Variants in IST1 observed in about 807,000 individuals in gnomAD.
IST1 encodes IST1 homolog.
Under a neutral mutation model 37.0 loss-of-function variants are expected in IST1, and 23 were observed. The observed-to-expected ratio is 0.62, with a 90% CI of 0.45 to 0.88. The LOEUF is 0.88. Ranked by LOEUF, IST1 falls within the 40% of genes least tolerant of loss-of-function variation. IST1 has a pLI of 0.00. For synonymous variants in IST1, 180 were observed against 161.7 expected (o/e 1.11, Z -0.86); for missense variants, 488 against 445.4 (o/e 1.10, Z -0.86).
intron 1 of IST1, among the ~76,000 whole-genome samples, chr16:71,899,723 A>C (rs751992333): frequency 4.0e-5 from 6 of 151,744 alleles, no homozygotes; most frequent in Non-Finnish European, 8.8e-5. Context: ...TAAAAATAGA[A>C]AAAATTAGCT....
chr16:71,918,223 T>C (rs1015158477), intron 4 of IST1, among the ~76,000 whole-genome samples: 1 of 152,200 alleles, frequency 6.6e-6, no homozygotes, highest in African/African-American at 2.4e-5. Context: ...AAAAATCTAT[T>C]TGATACATAG....
At position 71,909,443 on chromosome 16, in the gene IST1, A is replaced by G. The variant is rs374035624; in HGVS notation, c.-15-6183A>G. On this transcript the variant is annotated intron_variant, in intron 1 of 9. Coordinates refer to ENST00000378799, the MANE Select transcript of IST1 (RefSeq NM_001270975.2). Reference sequence around the variant, plus strand: ...TGAAATGAACACTTAGCATTCTTCTACTTCCTTACTACCACAAAATGCATA... The same window carrying G: ...TGAAATGAACACTTAGCATTCTTCTGCTTCCTTACTACCACAAAATGCATA... Among the ~76,000 whole-genome samples, 9 of 152,232 alleles carry G rather than the reference A, an allele frequency of 5.9e-5. No homozygotes were observed. In the East Asian group the frequency reaches 9.6e-4, roughly 16 times the overall value.
At chr16:71,896,014 G>A (rs1422734785) in intron 1 of IST1, among the ~76,000 whole-genome samples, 1 of 152,264 alleles carries the variant, frequency 6.6e-6, no homozygotes, top group East Asian at 1.9e-4. Flanking sequence ...GCCGCGAGAG[G>A]CGGATGCCCT....
chr16:71,927,020 CTTAG>C (rs1197055332), intron 9 of IST1, among the ~76,000 whole-genome samples: 5 of 152,124 alleles, frequency 3.3e-5, no homozygotes, highest in Admixed American at 6.5e-5. Context: ...ACTCCTTGGA[CTTAG>C]TTGGTAAAGT....
At chr16:71,906,068 ATCTCGGC>A (rs2037217070) in intron 1 of IST1, among the ~76,000 whole-genome samples, 3 of 145,352 alleles carry the variant, frequency 2.1e-5, no homozygotes, top group Non-Finnish European at 4.5e-5. Context: ...CAGTGGTGCC[ATCTCGGC>A]TCACTGCAGC....
Position 71,922,463 on chromosome 16 carries a change from T to C in IST1, c.553-11T>C, listed in dbSNP as rs2142587696. ...ATGGGTTAATGACCTGGGTTTCTCT[T>C]TTTTTCTCAGGCAGAAGCTCCTCCT... On this transcript the variant is annotated splice_polypyrimidine_tract_variant and intron_variant, in intron 6 of 9. Transcript: ENST00000378799. 1 of 1,612,924 alleles carries C rather than the reference T, an allele frequency of 6.2e-7. No homozygotes were observed. Among genetic ancestry groups the C allele is most frequent in the Non-Finnish European group, 8.5e-7 (1 of 1,179,256 alleles).
Position 71,922,611 on chromosome 16 carries a change from GCCCAT to G in IST1, c.691_695del (p.Pro231AlafsTer51), listed in dbSNP as rs2037628265. The G allele has an allele frequency of 1.4e-6, 1 of 705,820 alleles. No homozygotes were observed. Among genetic ancestry groups the G allele is most frequent in the East Asian group, 4.8e-5 (1 of 20,866 alleles). 43.7% of individuals were successfully genotyped at this position (705,820 alleles called of 1,614,324 possible). A position where few individuals can be genotyped will look rare whatever the true frequency, so the allele number is the denominator to read the frequency against. The stretch of plus-strand genomic sequence containing the variant: ...GTGGACCTGATGGAACGGTGCCAAT[GCCCAT>G]GCCCATGCCCATGCCTATGCCATCT... On this transcript the variant is annotated frameshift_variant, in exon 7 of 10. Coordinates refer to ENST00000378799, the MANE Select transcript of IST1 (RefSeq NM_001270975.2). LOFTEE classifies it high-confidence loss of function.
Position 71,927,806 on chromosome 16 carries a change from A to T in IST1, c.1094A>T (p.Lys365Ile). Reference protein sequence around the residue: ...LSRRFEELKKKT With the variant: ...LSRRFEELKKIT ...CGGAGGTTTGAAGAGCTGAAAAAGA[A>T]AACATAGGTCTCTTAAACCAGGCAA... Residue 365 changes from lysine to isoleucine, a missense_variant, in exon 10 of 10, where the codon AAA (lysine) becomes ATA (isoleucine). Coordinates refer to ENST00000378799, the MANE Select transcript of IST1 (RefSeq NM_001270975.2). The T allele has an allele frequency of 6.2e-7, 1 of 1,613,260 alleles. No individual in the cohort carries two copies. The highest frequency in any genetic ancestry group is 8.5e-7 in the Non-Finnish European group (1 of 1,179,370).
At chr16:71,913,594 G>A (rs1286973191) in intron 1 of IST1, among the ~76,000 whole-genome samples, 2 of 152,022 alleles carry the variant, frequency 1.3e-5, no homozygotes, top group Admixed American at 1.3e-4. Flanking sequence ...TCTGCTTCTG[G>A]GACTCCAGCA....
intron 8 of IST1, chr16:71,924,363 A>T (rs1252691742): frequency 2.7e-6 from 1 of 374,280 alleles, no homozygotes; most frequent in Non-Finnish European, 5.2e-6. Flanking sequence ...TAATCCCAGC[A>T]CTTTGGGAGG....
intron 1 of IST1, among the ~76,000 whole-genome samples, chr16:71,911,659 C>G (rs2037356880): frequency 6.7e-6 from 1 of 150,268 alleles, no homozygotes; most frequent in Non-Finnish European, 1.5e-5. Flanking sequence ...ATGTTCCCCT[C>G]TGTATACATG....
rs562431217 is a variant in IST1 at position 71,929,735 on chromosome 16, G to A, written c.*1922G>A. On this transcript the variant is annotated 3_prime_UTR_variant, in exon 10 of 10. Transcript: ENST00000378799. ...GAAAATTGAAATTACTGCTAATAGTGGAGTAAAAAAAGTACCAAAGATTTT... is the reference window on the plus strand; with the variant it reads ...GAAAATTGAAATTACTGCTAATAGTAGAGTAAAAAAAGTACCAAAGATTTT... The A allele has an allele frequency of 4.9e-5, 69 of 1,419,692 alleles. No individual in the cohort carries two copies. The East Asian group carries it at 1.4e-3, about 28-fold the overall frequency. The allele number at this position is 1,419,692 out of a possible 1,614,324, so 87.9% of individuals were successfully genotyped here.
chr16:71,926,908 A>G (rs1322077860), intron 9 of IST1, among the ~76,000 whole-genome samples: 1 of 152,194 alleles, frequency 6.6e-6, no homozygotes, highest in Non-Finnish European at 1.5e-5. Context: ...TTATAACAAA[A>G]TAACTTGGAC....
rs1226416558 is a variant in IST1 at position 71,928,114 on chromosome 16, G to A, written c.*301G>A. ...CGTCCCATGGTCCCTCCACAGGAGT[G>A]TGAGAGGATGGGGGAAGCACTGTGG... On this transcript the variant is annotated 3_prime_UTR_variant, in exon 10 of 10. Transcript: ENST00000378799. 2 of 377,510 alleles carry A rather than the reference G, an allele frequency of 5.3e-6. No individual in the cohort carries two copies. The highest frequency in any genetic ancestry group is 1.0e-5 in the Non-Finnish European group (2 of 199,450). 23.4% of individuals were successfully genotyped at this position (377,510 alleles called of 1,614,324 possible).
At chr16:71,921,965 GTC>G (rs1433662844) in intron 6 of IST1, among the ~76,000 whole-genome samples, 4 of 152,148 alleles carry the variant, frequency 2.6e-5, no homozygotes, top group Non-Finnish European at 5.9e-5. Flanking sequence ...GTGAAACCCT[GTC>G]TCTACTAAAA....
At chr16:71,897,407 G>A (rs1264814923) in intron 1 of IST1, among the ~76,000 whole-genome samples, 1 of 151,866 alleles carries the variant, frequency 6.6e-6, no homozygotes, top group Non-Finnish European at 1.5e-5. Context: ...TTGTTCTTAT[G>A]TCTCTGGCTT....
At chr16:71,894,698 C>CTTTT (rs35889170), upstream of IST1, 707 of 443,618 alleles carry the variant, frequency 1.6e-3, 19 homozygotes, top group African/African-American at 3.8e-3. Flanking sequence ...TAATTTTTAA[C>CTTTT]TTTTTTTTTT....
At position 71,927,970 on chromosome 16, in the gene IST1, C is replaced by G; in HGVS notation, c.*157C>G. ...CTTCCTGCTCCTCCAGATTCTGCTG[C>G]TTTCCAGTTCTCTGTTGATCCTGAG... On this transcript the variant is annotated 3_prime_UTR_variant, in exon 10 of 10. Transcript: ENST00000378799. 1.6e-6 allele frequency: 1 copy of G among 615,942 alleles called. No individual in the cohort carries two copies. Among genetic ancestry groups the G allele is most frequent in the South Asian group, 1.9e-5 (1 of 52,642 alleles). 38.2% of individuals were successfully genotyped at this position (615,942 alleles called of 1,614,324 possible). A position where few individuals can be genotyped will look rare whatever the true frequency, so the allele number is the denominator to read the frequency against.
chr16:71,923,727 A>G (rs962565784), intron 8 of IST1, among the ~76,000 whole-genome samples: 1 of 152,250 alleles, frequency 6.6e-6, no homozygotes, highest in African/African-American at 2.4e-5. Flanking sequence ...CTAAAGTATC[A>G]TAATTATTAA....
Sources: gnomAD v4.1 joint callset for allele counts (sites outside exome capture counted in the v4.1 genomes callset) on GRCh38, gnomAD v4.1.1 for gene constraint, MANE v1.5 for transcripts, NCBI Gene and HGNC (gene_info 2026-07-23, HGNC 2026-07-21) for gene names.